The following BNC2 variants were observed in gnomAD, a reference collection of about 807,000 sequenced individuals.
BNC2 encodes zinc finger protein basonuclin-2.
In BNC2, 20 loss-of-function variants were observed where a neutral mutation model predicts 76.3. That is an observed-to-expected ratio of 0.26 (90% CI 0.18 to 0.38). The LOEUF (loss-of-function observed/expected upper bound fraction) is 0.38. Ranked by LOEUF, BNC2 falls within the 10% of genes least tolerant of loss-of-function variation. The pLI, the probability that BNC2 is intolerant of heterozygous loss-of-function variation, is 1.00. For missense variants in BNC2, 1,382 were observed against 1,399.8 expected (o/e 0.99, Z 0.20); for synonymous variants, 582 against 514.8 (o/e 1.13, Z -1.77).
At chr9:16,718,219 C>A (rs1228649145) in intron 3 of BNC2, among the ~76,000 whole-genome samples, 2 of 152,172 alleles carry the variant, frequency 1.3e-5, no homozygotes, top group African/African-American at 4.8e-5. Flanking sequence ...GTGCACAAGG[C>A]CCTTATTCCC....
chr9:16,461,565 G>A (rs544517324), intron 5 of BNC2, among the ~76,000 whole-genome samples: 5 of 148,332 alleles, frequency 3.4e-5, no homozygotes, highest in East Asian at 2.0e-4. Flanking sequence ...TCAATCCAGC[G>A]CCTGCATTCC....
chr9:16,611,579 G>A (rs1338683319), intron 3 of BNC2, among the ~76,000 whole-genome samples: 2 of 152,022 alleles, frequency 1.3e-5, no homozygotes, highest in Non-Finnish European at 2.9e-5. Context: ...CAGAGCTATT[G>A]TTTAAATGAT....
Position 16,832,136 on chromosome 9 carries a change from T to G in BNC2, c.3+38510A>C, listed in dbSNP as rs537026517. 237 of 318,720 alleles carry G rather than the reference T, an allele frequency of 7.4e-4. 1 individual carries two copies. The highest frequency in any genetic ancestry group is 2.0e-3 in the Admixed American group (38 of 19,374). 19.7% of individuals were successfully genotyped at this position (318,720 alleles called of 1,614,324 possible). On this transcript the variant is annotated intron_variant, in intron 1 of 6. Transcript: ENST00000380672. ...ATACTGCAATGCAGCTTCCTGGATG[T>G]AGGATATTTCAACGGTCCATTTAGT...
chr9:16,564,409 G>A (rs1330860830), intron 4 of BNC2, among the ~76,000 whole-genome samples: 1 of 152,100 alleles, frequency 6.6e-6, no homozygotes, highest in East Asian at 1.9e-4. Flanking sequence ...TAAAGATGAG[G>A]CACAGCTACA....
intron 1 of BNC2, among the ~76,000 whole-genome samples, chr9:16,804,075 C>T (rs1305747437): frequency 1.3e-5 from 2 of 152,174 alleles, no homozygotes; most frequent in Non-Finnish European, 2.9e-5. Flanking sequence ...GCCTGCTCCA[C>T]GCTAAAGAAA....
chr9:16,735,248 G>T lies in BNC2; in HGVS notation c.129+3112C>A, dbSNP rs1587363784. On this transcript the variant is annotated intron_variant, in intron 2 of 6. Transcript: ENST00000380672. ...AAAGGTCAAACATTTTACCTACCTT[G>T]TTTTGGTTTAAAAAAAGAAAAGTGA... Among the ~76,000 whole-genome samples, 5 of 152,144 alleles carry T rather than the reference G, an allele frequency of 3.3e-5. No individual in the cohort carries two copies. In the Middle Eastern group the frequency reaches 0.017, roughly 517 times the overall value.
At chr9:16,695,711 G>A (rs982269735) in intron 3 of BNC2, among the ~76,000 whole-genome samples, 4 of 151,880 alleles carry the variant, frequency 2.6e-5, no homozygotes, top group South Asian at 2.1e-4. Flanking sequence ...GTTAAGTGAC[G>A]TGAAGCTCTT....
intron 1 of BNC2, among the ~76,000 whole-genome samples, chr9:16,791,488 T>C (rs1325507725): frequency 1.3e-5 from 2 of 152,092 alleles, no homozygotes; most frequent in Non-Finnish European, 2.9e-5. Context: ...ATATCTGCAT[T>C]TAGCAAATAC....
At chr9:16,525,527 A>G (rs1025419101) in intron 5 of BNC2, among the ~76,000 whole-genome samples, 3 of 152,232 alleles carry the variant, frequency 2.0e-5, no homozygotes, top group African/African-American at 4.8e-5. Context: ...AGAGAAATGC[A>G]AATAAAAGCA....
chr9:16,744,952 G>C (rs1824956692), intron 1 of BNC2, among the ~76,000 whole-genome samples: 1 of 152,192 alleles, frequency 6.6e-6, no homozygotes, highest in African/African-American at 2.4e-5. Flanking sequence ...TGTGCTTAGA[G>C]CATATATAGA....
At chr9:16,622,830 G>C (rs1239867985) in intron 3 of BNC2, among the ~76,000 whole-genome samples, 1 of 152,036 alleles carries the variant, frequency 6.6e-6, no homozygotes, top group Non-Finnish European at 1.5e-5. Flanking sequence ...CGCATGTAAA[G>C]AACAACAATT....
chr9:16,669,211 T>C (rs1822398966), intron 3 of BNC2, among the ~76,000 whole-genome samples: 1 of 152,156 alleles, frequency 6.6e-6, no homozygotes, highest in Non-Finnish European at 1.5e-5. Flanking sequence ...GGAAAGCAAC[T>C]GCCATATATT....
In BNC2 at chr9:16,454,349, C is replaced by G. The variant is rs368776825; in HGVS notation, c.670-16825G>C. Among the ~76,000 whole-genome samples the G allele has an allele frequency of 4.2e-4, 43 of 101,182 alleles. No individual in the cohort carries two copies. In the South Asian group the frequency reaches 0.015, roughly 35 times the overall value. The allele number at this position is 101,182 out of a possible 152,430, so 66.4% of individuals were successfully genotyped here. A position where few individuals can be genotyped will look rare whatever the true frequency, so the allele number is the denominator to read the frequency against. On this transcript the variant is annotated intron_variant, in intron 5 of 6. Coordinates refer to ENST00000380672, the MANE Select transcript of BNC2 (RefSeq NM_017637.6). Reference sequence around the variant, plus strand: ...AGAGGGTCTCACTCTGTTGCCCAGGCTGGAGTGCAGTGGTGTGATCATAGC... The same window carrying G: ...AGAGGGTCTCACTCTGTTGCCCAGGGTGGAGTGCAGTGGTGTGATCATAGC...
In BNC2 at chr9:16,743,979, T is replaced by TGTTC. The variant is rs797010328; in HGVS notation, c.4-5495_4-5494insGAAC. On this transcript the variant is annotated intron_variant, in intron 1 of 6. Transcript: ENST00000380672. ...CAGTTTGTTTGTTTGTTTGTTTGTT[T>TGTTC]GTTTGGAGACGGAGTCTCGCTCTGT... is the stretch of plus-strand genomic sequence containing the variant. Among the ~76,000 whole-genome samples the TGTTC allele has an allele frequency of 1.1e-3, 168 of 151,942 alleles. 1 individual carries two copies. The highest frequency in any genetic ancestry group is 3.9e-3 in the African/African-American group (160 of 41,316).
At chr9:16,773,205 C>T (rs759037806) in intron 1 of BNC2, among the ~76,000 whole-genome samples, 1 of 152,172 alleles carries the variant, frequency 6.6e-6, no homozygotes, top group Non-Finnish European at 1.5e-5. Context: ...ACTGTACACA[C>T]ACATGCACTA....
intron 1 of BNC2, among the ~76,000 whole-genome samples, chr9:16,864,665 G>C (rs1226285390): frequency 1.3e-5 from 2 of 152,110 alleles, no homozygotes; most frequent in African/African-American, 4.8e-5. Flanking sequence ...ATCAACATGT[G>C]GCACATGTCC....
intron 5 of BNC2, among the ~76,000 whole-genome samples, chr9:16,457,488 A>C (rs1455853628): frequency 6.6e-6 from 1 of 152,200 alleles, no homozygotes; most frequent in Non-Finnish European, 1.5e-5. Context: ...GGGGAAACCA[A>C]GTGCACGCTT....
At chr9:16,860,552 C>T (rs1819373416) in intron 1 of BNC2, among the ~76,000 whole-genome samples, 1 of 152,170 alleles carries the variant, frequency 6.6e-6, no homozygotes, top group African/African-American at 2.4e-5. Context: ...GATTAAAGAT[C>T]TATGAATCCA....
At chr9:16,662,069 C>G (rs976115404) in intron 3 of BNC2, among the ~76,000 whole-genome samples, 2 of 152,162 alleles carry the variant, frequency 1.3e-5, no homozygotes, top group African/African-American at 4.8e-5. Context: ...AAAAGTGATA[C>G]CAGTTTGGTT....
Sources: allele counts gnomAD v4.1 joint callset (sites outside exome capture counted in the v4.1 genomes callset), GRCh38; gene constraint gnomAD v4.1.1; transcripts MANE v1.5; gene names NCBI Gene and HGNC (gene_info 2026-07-23, HGNC 2026-07-21).